CREM: variants seen among roughly 807,000 people sequenced by gnomAD.
CREM encodes cAMP-responsive element modulator.
Under a neutral mutation model 37.3 loss-of-function variants are expected in CREM, and 13 were observed. That is an observed-to-expected ratio of 0.35 (90% CI 0.23 to 0.55). The LOEUF (loss-of-function observed/expected upper bound fraction) is 0.55, where lower values mean the gene tolerates loss of function less well. Ranked by LOEUF, CREM falls within the 20% of genes least tolerant of loss-of-function variation. The probability of loss-of-function intolerance (pLI) is 0.88; values close to 1 mark genes in which losing one functional copy is unlikely to be tolerated. For missense variants in CREM, 296 were observed against 362.3 expected, an observed-to-expected ratio of 0.82 and a Z score of 1.49; for synonymous variants, 124 against 120.2, an observed-to-expected ratio of 1.03 and a Z score of -0.21.
At chr10:35,140,118 G>C (rs1422850877) in intron 2 of CREM, among the ~76,000 whole-genome samples, 1 of 152,070 alleles carries the variant, frequency 6.6e-6, no homozygotes, top group Non-Finnish European at 1.5e-5. Flanking sequence ...TGCTAGTGTT[G>C]ACCTTTTTTG....
intron 5 of CREM, among the ~76,000 whole-genome samples, chr10:35,183,977 G>A (rs1003422213): frequency 6.6e-6 from 1 of 152,224 alleles, no homozygotes; most frequent in African/African-American, 2.4e-5. Context: ...TGGAGGCTGA[G>A]GCAGGAGAAT....
intron 5 of CREM, among the ~76,000 whole-genome samples, chr10:35,186,722 CTA>C (rs941413854): frequency 1.5e-4 from 20 of 129,402 alleles, no homozygotes; most frequent in Middle Eastern, 5.0e-3. Context: ...ACATATATAA[CTA>C]TATATAATTA....
chr10:35,127,123 G>A lies in CREM; in HGVS notation c.-125G>A, dbSNP rs2087912189. On this transcript the variant is annotated 5_prime_UTR_variant, in exon 1 of 8. Transcript: ENST00000685392. ...CGGCGCCGCTGCTGAGCGGCGGTCG[G>A]GCTCGCCGTCTCCACCTCCTCGCGT... 1 of 152,770 alleles carries A rather than the reference G, an allele frequency of 6.5e-6. No homozygotes were observed. Among genetic ancestry groups the A allele is most frequent in the Non-Finnish European group, 1.5e-5 (1 of 68,150 alleles). 9.5% of individuals were successfully genotyped at this position (152,770 alleles called of 1,614,324 possible).
chr10:35,206,842 A>C lies in CREM; in HGVS notation c.599-53A>C, dbSNP rs2095536812. 1.0e-5 allele frequency: 16 copies of C among 1,578,400 alleles called. No individual in the cohort carries two copies. The South Asian group carries it at 1.8e-4, about 18-fold the overall frequency. On this transcript the variant is annotated intron_variant, in intron 6 of 7. Coordinates refer to ENST00000685392, the MANE Select transcript of CREM (RefSeq NM_183011.2). ...CATTTCCAGATCAGTTTTATGTAAA[A>C]TGCCAAATTATGAATTCTTTATATA...
intron 2 of CREM, among the ~76,000 whole-genome samples, chr10:35,138,142 T>C (rs1254496058): frequency 6.6e-6 from 1 of 152,226 alleles, no homozygotes; most frequent in Non-Finnish European, 1.5e-5. Flanking sequence ...AATATGAGGA[T>C]GTCGATAGTT....
intron 6 of CREM, chr10:35,196,162 T>C (rs1279462936): frequency 1.9e-6 from 3 of 1,559,716 alleles, no homozygotes; most frequent in Middle Eastern, 1.7e-4. Context: ...GGATTATGTA[T>C]TGTATAAGCT....
intron 6 of CREM, among the ~76,000 whole-genome samples, chr10:35,189,976 C>G (rs924488940): frequency 5.9e-5 from 9 of 152,132 alleles, no homozygotes; most frequent in Non-Finnish European, 8.8e-5. Flanking sequence ...GTAAAAAATG[C>G]ATAGTACAAA....
At chr10:35,203,316 G>C (rs1266200628) in intron 6 of CREM, among the ~76,000 whole-genome samples, 3 of 152,150 alleles carry the variant, frequency 2.0e-5, no homozygotes, top group Non-Finnish European at 4.4e-5. Context: ...AAAATGCTGG[G>C]ATTATAGGCG....
chr10:35,134,501 G>T (rs1323244011), intron 1 of CREM, among the ~76,000 whole-genome samples: 1 of 152,198 alleles, frequency 6.6e-6, no homozygotes, highest in Non-Finnish European at 1.5e-5. Flanking sequence ...ACAGGGGTGA[G>T]CCACAGCGCC....
chr10:35,166,103 G>T (rs1303599202), intron 3 of CREM, among the ~76,000 whole-genome samples: 2 of 152,118 alleles, frequency 1.3e-5, no homozygotes, highest in Admixed American at 1.3e-4. Context: ...AGGATTGGAG[G>T]CAACAACAAC....
At chr10:35,205,974 C>A (rs1313450492) in intron 6 of CREM, among the ~76,000 whole-genome samples, 3 of 150,978 alleles carry the variant, frequency 2.0e-5, no homozygotes, top group Admixed American at 2.0e-4. Context: ...AAAAGCCAGG[C>A]GCGATGGCTC....
chr10:35,151,156 C>T (rs1285455579), intron 3 of CREM, among the ~76,000 whole-genome samples: 1 of 152,038 alleles, frequency 6.6e-6, no homozygotes, highest in Non-Finnish European at 1.5e-5. Context: ...TAAAATGGAA[C>T]ATTATAGAGA....
chr10:35,195,505 C>A (rs1346013645), intron 6 of CREM, among the ~76,000 whole-genome samples: 2 of 151,990 alleles, frequency 1.3e-5, no homozygotes, highest in African/African-American at 2.4e-5. Flanking sequence ...TTCTCTTCCC[C>A]TCTCCTCCAT....
chr10:35,196,695 G>C (rs2095184642), intron 6 of CREM, among the ~76,000 whole-genome samples: 1 of 152,012 alleles, frequency 6.6e-6, no homozygotes, highest in Non-Finnish European at 1.5e-5. Flanking sequence ...CTCAAACACT[G>C]CATGTCATAT....
At chr10:35,179,461 A>G in intron 5 of CREM, 185 bp downstream of exon 5, 1 of 726,546 alleles carries the variant, frequency 1.4e-6, no homozygotes, top group Middle Eastern at 4.4e-4. Context: ...CTGTCATATA[A>G]TTTTGAAAAG....
intron 3 of CREM, among the ~76,000 whole-genome samples, chr10:35,153,841 G>T (rs1355015917): frequency 6.6e-6 from 1 of 152,190 alleles, no homozygotes; most frequent in African/African-American, 2.4e-5. Context: ...GAGAGAATTA[G>T]TTCTGATATA....
intron 3 of CREM, chr10:35,176,088 G>T (rs2094057520): frequency 1.4e-6 from 2 of 1,470,340 alleles, no homozygotes; most frequent in African/African-American, 2.8e-5. Context: ...TTTTCTTTAT[G>T]AAGTGCTTAT....
intron 6 of CREM, among the ~76,000 whole-genome samples, chr10:35,190,000 T>C (rs1301931850): frequency 6.6e-6 from 1 of 152,196 alleles, no homozygotes; most frequent in African/African-American, 2.4e-5. Context: ...AGTACTTTAA[T>C]GTTTTCTTGA....
Position 35,210,901 on chromosome 10 carries a change from ATAAT to A in CREM, c.756-349_756-346del, listed in dbSNP as rs567130787. On this transcript the variant is annotated intron_variant, in intron 7 of 7. Transcript: ENST00000685392. The stretch of plus-strand genomic sequence containing the variant: ...AGTATGTGCCTTTTGGGAGACAAAA[ATAAT>A]TAAGAGAATTGAAAGGATCTATAAA... 4.1e-4 allele frequency among the ~76,000 whole-genome samples: 62 copies of A among 152,334 alleles called. No individual in the cohort carries two copies. The South Asian group carries it at 0.013, about 31-fold the overall frequency.
Sources: gnomAD v4.1 joint callset for allele counts (sites outside exome capture counted in the v4.1 genomes callset) on GRCh38, gnomAD v4.1.1 for gene constraint, MANE v1.5 for transcripts, NCBI Gene and HGNC (gene_info 2026-07-23, HGNC 2026-07-21) for gene names.